The following AHCYL2 variants were observed in gnomAD, a reference collection of about 807,000 sequenced individuals.
The protein encoded by AHCYL2 is adenosylhomocysteinase like 2, also known as S-adenosylhomocysteine hydrolase-like protein 2.
AHCYL2 carries 28 observed loss-of-function variants against 81.4 expected under a neutral mutation model. That is an observed-to-expected ratio of 0.34 (90% confidence interval 0.25 to 0.47). AHCYL2 has a LOEUF of 0.47. Ranked by LOEUF, AHCYL2 falls within the 20% of genes least tolerant of loss-of-function variation. The pLI is 1.00. For synonymous variants in AHCYL2, 272 were observed against 290.2 expected (o/e 0.94, Z 0.64); for missense variants, 551 against 785.1 (o/e 0.70, Z 3.56).
chr7:129,341,210 T>G (rs1159902943), intron 1 of AHCYL2, among the ~76,000 whole-genome samples: 1 of 152,208 alleles, frequency 6.6e-6, no homozygotes, highest in Non-Finnish European at 1.5e-5. Flanking sequence ...AGAATAGAAA[T>G]TTTTTAGAGA....
chr7:129,395,101 T>C (rs576678352), intron 4 of AHCYL2, among the ~76,000 whole-genome samples: 2 of 152,314 alleles, frequency 1.3e-5, no homozygotes, highest in East Asian at 1.9e-4. Flanking sequence ...TTAGAGTTCA[T>C]TGTATATCAA....
chr7:129,425,002 T>G, intron 14 of AHCYL2, 60 bp downstream of exon 14: 1 of 1,612,780 alleles, frequency 6.2e-7, no homozygotes, highest in Non-Finnish European at 8.5e-7. Flanking sequence ...CCACCAGGTT[T>G]CACTTGCTTG....
rs73722935 is a variant in AHCYL2, at chr7:129,299,871, C to T, written c.363+74432C>T. Among the ~76,000 whole-genome samples, 552 of 152,186 alleles carry T rather than the reference C, an allele frequency of 3.6e-3. 2 individuals carry two copies. Among genetic ancestry groups the T allele is most frequent in the African/African-American group, 0.013 (532 of 41,500 alleles). ...CTGTTGTGGTTTGATTATATACCCA[C>T]GGTTTAGATAATTTAAGTTCAAAAC... On this transcript the variant is annotated intron_variant, in intron 1 of 16. Transcript: ENST00000325006.
chr7:129,321,011 A>G (rs1032493514), intron 1 of AHCYL2, among the ~76,000 whole-genome samples: 1 of 152,248 alleles, frequency 6.6e-6, no homozygotes, highest in Non-Finnish European at 1.5e-5. Flanking sequence ...TTTGTAAAAC[A>G]CAATGTCTGT....
At chr7:129,289,433 A>G (rs1456644275) in intron 1 of AHCYL2, among the ~76,000 whole-genome samples, 1 of 152,124 alleles carries the variant, frequency 6.6e-6, no homozygotes, top group Non-Finnish European at 1.5e-5. Context: ...GATGATTTTT[A>G]CTTAGATCCA....
intron 1 of AHCYL2, among the ~76,000 whole-genome samples, chr7:129,364,255 AT>A (rs927665659): frequency 2.0e-5 from 3 of 152,072 alleles, no homozygotes; most frequent in African/African-American, 7.2e-5. Context: ...TAGAATATTA[AT>A]TTTTTTCTTT....
rs553667327 is a variant in AHCYL2, at chr7:129,300,896, A to G, written c.363+75457A>G. 2.6e-5 allele frequency among the ~76,000 whole-genome samples: 4 copies of G among 152,290 alleles called. No individual in the cohort carries two copies. The South Asian group carries it at 6.2e-4, about 24-fold the overall frequency. On this transcript the variant is annotated intron_variant, in intron 1 of 16. Coordinates refer to ENST00000325006, the MANE Select transcript of AHCYL2 (RefSeq NM_015328.4). ...GTCGCCCAGGCTGGAGCGCAGTGGC[A>G]CAATCTCAGCTCACTGCAATCTCCA...
At chr7:129,304,540 C>G (rs1451267751) in intron 1 of AHCYL2, among the ~76,000 whole-genome samples, 1 of 152,090 alleles carries the variant, frequency 6.6e-6, no homozygotes, top group Non-Finnish European at 1.5e-5. Flanking sequence ...AATAATACTT[C>G]CTTTATATAT....
At chr7:129,291,198 G>A (rs1796840259) in intron 1 of AHCYL2, among the ~76,000 whole-genome samples, 2 of 151,998 alleles carry the variant, frequency 1.3e-5, no homozygotes, top group African/African-American at 4.8e-5. Context: ...TTCCCCATAA[G>A]TTTATTCATT....
At chr7:129,234,137 A>G (rs1193737205) in intron 1 of AHCYL2, among the ~76,000 whole-genome samples, 1 of 151,764 alleles carries the variant, frequency 6.6e-6, no homozygotes, top group African/African-American at 2.4e-5. Context: ...TGCACCCTCA[A>G]CCTCCTGAGC....
chr7:129,385,534 AT>A (rs1795162559), intron 2 of AHCYL2, among the ~76,000 whole-genome samples: 1 of 152,220 alleles, frequency 6.6e-6, no homozygotes, highest in African/African-American at 2.4e-5. Context: ...ATGAAACAAG[AT>A]AACATCCCAT....
intron 1 of AHCYL2, among the ~76,000 whole-genome samples, chr7:129,346,339 G>T (rs1011209672): frequency 2.6e-5 from 4 of 152,140 alleles, no homozygotes; most frequent in Non-Finnish European, 5.9e-5. Context: ...GGTATCAAAA[G>T]AATGAGAAGA....
chr7:129,314,762 A>G (rs1797775354), intron 1 of AHCYL2, among the ~76,000 whole-genome samples: 1 of 152,226 alleles, frequency 6.6e-6, no homozygotes, highest in Non-Finnish European at 1.5e-5. Context: ...CACTCTAGGC[A>G]CTGAATAAAT....
At chr7:129,241,867 A>G (rs1238423864) in intron 1 of AHCYL2, among the ~76,000 whole-genome samples, 1 of 152,004 alleles carries the variant, frequency 6.6e-6, no homozygotes, top group Non-Finnish European at 1.5e-5. Context: ...TTTTTAAAAA[A>G]GGGAGACAGA....
At chr7:129,275,565 G>T (rs983866686) in intron 1 of AHCYL2, among the ~76,000 whole-genome samples, 14 of 152,100 alleles carry the variant, frequency 9.2e-5, no homozygotes, top group Non-Finnish European at 1.6e-4. Flanking sequence ...TGGCATAGCA[G>T]GTTAATAGTA....
chr7:129,395,881 A>C (rs1795707916), intron 4 of AHCYL2, among the ~76,000 whole-genome samples: 1 of 152,190 alleles, frequency 6.6e-6, no homozygotes, highest in South Asian at 2.1e-4. Context: ...ATTGTTCAAA[A>C]GTTTAGCTGA....
chr7:129,336,391 T>C (rs1798606748), intron 1 of AHCYL2, among the ~76,000 whole-genome samples: 2 of 152,146 alleles, frequency 1.3e-5, no homozygotes, highest in East Asian at 3.9e-4. Flanking sequence ...TTCTTTTTGC[T>C]TGGTTGAAGC....
intron 12 of AHCYL2, among the ~76,000 whole-genome samples, chr7:129,416,519 C>T (rs1186076150): frequency 1.3e-5 from 2 of 151,982 alleles, no homozygotes; most frequent in Admixed American, 6.6e-5. Context: ...TATGATGAGC[C>T]GGGCCCAGTG....
intron 1 of AHCYL2, among the ~76,000 whole-genome samples, chr7:129,227,935 A>G (rs1483113514): frequency 3.9e-5 from 6 of 152,210 alleles, no homozygotes; most frequent in Non-Finnish European, 5.9e-5. Context: ...CAGGTGCCCA[A>G]TCTTTAACCT....
Sources: gnomAD v4.1 joint callset for allele counts (sites outside exome capture counted in the v4.1 genomes callset) on GRCh38, gnomAD v4.1.1 for gene constraint, MANE v1.5 for transcripts, NCBI Gene and HGNC (gene_info 2026-07-23, HGNC 2026-07-21) for gene names.